The following ETV6 variants were observed in gnomAD, a reference collection of about 807,000 sequenced individuals.
The protein encoded by ETV6 is transcription factor ETV6.
ETV6 carries 16 observed loss-of-function variants against 51.1 expected under a neutral mutation model. The ratio of observed to expected loss-of-function variants is 0.31; its 90% CI spans 0.21 to 0.48. The LOEUF (loss-of-function observed/expected upper bound fraction) is 0.48, where lower values mean the gene tolerates loss of function less well. ETV6 is among the 20% of genes least tolerant of loss of function. The pLI is 0.99. For synonymous variants in ETV6, 240 were observed against 224.1 expected (o/e 1.07, Z -0.64); for missense variants, 458 against 594.8 (o/e 0.77, Z 2.39).
chr12:11,818,399 A>G (rs1424584638), intron 2 of ETV6, among the ~76,000 whole-genome samples: 3 of 152,090 alleles, frequency 2.0e-5, no homozygotes, highest in African/African-American at 7.2e-5. Context: ...GTGGTGATGC[A>G]TGCGTGTAAT....
intron 7 of ETV6, among the ~76,000 whole-genome samples, chr12:11,889,415 G>A (rs1357483917): frequency 6.6e-6 from 1 of 152,188 alleles, no homozygotes; most frequent in Non-Finnish European, 1.5e-5. Flanking sequence ...ACAAAATGAA[G>A]GTTTCTTGGT....
intron 1 of ETV6, among the ~76,000 whole-genome samples, chr12:11,661,018 C>T (rs955141032): frequency 1.9e-4 from 29 of 152,206 alleles, no homozygotes; most frequent in Non-Finnish European, 3.8e-4. Flanking sequence ...TCTTTAAGGT[C>T]TTGCTGTGTC....
At chr12:11,693,582 C>G (rs996725862) in intron 1 of ETV6, among the ~76,000 whole-genome samples, 3 of 152,140 alleles carry the variant, frequency 2.0e-5, no homozygotes, top group African/African-American at 7.2e-5. Flanking sequence ...CACCCAAGTT[C>G]GGACTCAGGA....
At chr12:11,858,464 A>G (rs1946665124) in intron 4 of ETV6, among the ~76,000 whole-genome samples, 1 of 152,012 alleles carries the variant, frequency 6.6e-6, no homozygotes, top group Admixed American at 6.6e-5. Flanking sequence ...TGGCCCCCCA[A>G]AAACTCAACG....
chr12:11,734,527 AAG>A (rs1236656186), intron 1 of ETV6, among the ~76,000 whole-genome samples: 1 of 147,322 alleles, frequency 6.8e-6, no homozygotes, highest in African/African-American at 2.6e-5. Flanking sequence ...AAAAAAAAAA[AAG>A]AAAAAAAAAA....
intron 1 of ETV6, among the ~76,000 whole-genome samples, chr12:11,738,307 CTTTTTTTT>C (rs59241338): frequency 1.1e-3 from 131 of 113,956 alleles, no homozygotes; most frequent in Non-Finnish European, 1.6e-3. Context: ...TTTGTTTTTG[CTTTTTTTT>C]TTTTTTTTTT....
intron 1 of ETV6, among the ~76,000 whole-genome samples, chr12:11,658,129 C>T (rs945911148): frequency 1.3e-5 from 2 of 152,220 alleles, no homozygotes; most frequent in African/African-American, 4.8e-5. Flanking sequence ...TAGTTCTCCT[C>T]CTCCTTTATA....
chr12:11,849,345 C>T (rs1181153935), intron 3 of ETV6, among the ~76,000 whole-genome samples: 1 of 152,144 alleles, frequency 6.6e-6, no homozygotes, highest in African/African-American at 2.4e-5. Flanking sequence ...CTCCTGGGCT[C>T]AAGTGATCCT....
Position 11,771,764 on chromosome 12 carries a change from G to C in ETV6, c.163+19185G>C, listed in dbSNP as rs80116940. Among the ~76,000 whole-genome samples the C allele has an allele frequency of 1.3e-3, 203 of 152,276 alleles. 3 individuals are homozygous for C. The East Asian group carries it at 0.029, about 22-fold the overall frequency. ...ACTTGGGTCCCTCTGAGTAAACCAAGACTCTTCTGAGAATGCAGTGTTCTC... is the reference window on the plus strand; with the variant it reads ...ACTTGGGTCCCTCTGAGTAAACCAACACTCTTCTGAGAATGCAGTGTTCTC... On this transcript the variant is annotated intron_variant, in intron 2 of 7. Coordinates refer to ENST00000396373, the MANE Select transcript of ETV6 (RefSeq NM_001987.5).
intron 6 of ETV6, among the ~76,000 whole-genome samples, chr12:11,885,677 G>A (rs1159695057): frequency 6.6e-6 from 1 of 152,188 alleles, no homozygotes; most frequent in Admixed American, 6.5e-5. Context: ...ATTAGCTAGG[G>A]CTCCAGGACT....
At chr12:11,698,385 G>C (rs1864918375) in intron 1 of ETV6, among the ~76,000 whole-genome samples, 1 of 152,162 alleles carries the variant, frequency 6.6e-6, no homozygotes, top group Non-Finnish European at 1.5e-5. Context: ...ATCTGCAAAG[G>C]GTCTCAGAAG....
intron 1 of ETV6, among the ~76,000 whole-genome samples, chr12:11,690,908 A>AAATAAATAAATAAATG (rs1174522361): frequency 8.6e-5 from 13 of 150,910 alleles, no homozygotes; most frequent in Admixed American, 6.6e-5. Flanking sequence ...ATAAATAAAT[A>AAATAAATAAATAAATG]AAATTATATA....
intron 1 of ETV6, among the ~76,000 whole-genome samples, chr12:11,671,849 A>T (rs1424853408): frequency 6.6e-6 from 1 of 152,134 alleles, no homozygotes. Flanking sequence ...AGATTGGTTC[A>T]AGTCAAAATA....
chr12:11,716,965 T>G (rs1865291207), intron 1 of ETV6, among the ~76,000 whole-genome samples: 1 of 152,194 alleles, frequency 6.6e-6, no homozygotes, highest in Non-Finnish European at 1.5e-5. Context: ...TAGATTTTGA[T>G]TCCAAGGGTC....
intron 1 of ETV6, among the ~76,000 whole-genome samples, chr12:11,654,572 G>A (rs957688416): frequency 1.3e-5 from 2 of 151,038 alleles, no homozygotes; most frequent in African/African-American, 2.4e-5. Context: ...GGGCACGGGG[G>A]TATGTGCCAA....
intron 2 of ETV6, among the ~76,000 whole-genome samples, chr12:11,828,403 A>AC (rs1159491159): frequency 6.6e-6 from 1 of 152,086 alleles, no homozygotes; most frequent in East Asian, 1.9e-4. Context: ...ATTTCATTGT[A>AC]CCCCCACTTC....
At position 11,701,342 on chromosome 12, in the gene ETV6, A is replaced by G. The variant is rs181098976; in HGVS notation, c.34-51108A>G. On this transcript the variant is annotated intron_variant, in intron 1 of 7. Transcript: ENST00000396373. ...GGGGTCTTCTTCCTGTTTGTGAATT[A>G]TGACTACTCCAGGTCTCTCCGTAAG... 5.3e-5 allele frequency among the ~76,000 whole-genome samples: 8 copies of G among 152,194 alleles called. No homozygotes were observed. The East Asian group carries it at 1.2e-3, about 22-fold the overall frequency.
intron 6 of ETV6, among the ~76,000 whole-genome samples, chr12:11,884,960 T>C (rs1947163164): frequency 6.6e-6 from 1 of 152,320 alleles, no homozygotes; most frequent in South Asian, 2.1e-4. Context: ...GCCACTACTT[T>C]TCTGCTCAGT....
At chr12:11,886,902 G>A (rs1011438893) in intron 7 of ETV6, among the ~76,000 whole-genome samples, 1 of 152,194 alleles carries the variant, frequency 6.6e-6, no homozygotes, top group African/African-American at 2.4e-5. Context: ...ATGAGTTTTG[G>A]CAGGTGGGCC....
Sources: gnomAD v4.1 joint callset for allele counts (sites outside exome capture counted in the v4.1 genomes callset) on GRCh38, gnomAD v4.1.1 for gene constraint, MANE v1.5 for transcripts, NCBI Gene and HGNC (gene_info 2026-07-23, HGNC 2026-07-21) for gene names.